The following PWP1 variants were observed in gnomAD, a reference collection of about 807,000 sequenced individuals.
The protein encoded by PWP1 is PWP1 homolog, endonuclein, also known as periodic tryptophan protein 1 homolog.
Under a neutral mutation model 69.9 loss-of-function variants are expected in PWP1, and 47 were observed. That is an observed-to-expected ratio of 0.67 (90% CI 0.53 to 0.86). The LOEUF (loss-of-function observed/expected upper bound fraction) is 0.86, where lower values mean the gene tolerates loss of function less well. Among genes scored for constraint, PWP1 ranks in the 40% least tolerant of loss-of-function variants. The pLI is 0.00. For missense variants in PWP1, 551 were observed against 608.8 expected, an observed-to-expected ratio of 0.91 and a Z score of 1.00; for synonymous variants, 222 against 208.2, an observed-to-expected ratio of 1.07 and a Z score of -0.57.
intron 14 of PWP1, among the ~76,000 whole-genome samples, chr12:107,710,940 G>A (rs970613935): frequency 1.3e-5 from 2 of 152,034 alleles, no homozygotes; most frequent in African/African-American, 2.4e-5. Context: ...CTCGGTTGGG[G>A]AGACCCTAAC....
rs1477433383 is a variant in PWP1, at chr12:107,697,548, T to C, written c.695T>C (p.Phe232Ser). 1 of 1,609,692 alleles carries C rather than the reference T, an allele frequency of 6.2e-7. No individual in the cohort carries two copies. Among genetic ancestry groups the C allele is most frequent in the African/African-American group, 1.3e-5 (1 of 74,678 alleles). The change falls in exon 7 of 15, where the codon TTC (phenylalanine) becomes TCC (serine). Residue 232 changes from phenylalanine to serine, a missense_variant. By Grantham distance (155) the Phe-to-Ser change is radical (BLOSUM62 -2). Transcript: ENST00000412830. ...ATAGTGGACTCTTTAGAGCCAGTCT[T>C]CACACTCGGAAGTAAACTTTCAAAA... is the stretch of plus-strand genomic sequence containing the variant. ...LDIVDSLEPVFTLGSKLSKKK... is the reference protein window; with the variant it reads ...LDIVDSLEPVSTLGSKLSKKK...
At chr12:107,695,027 G>T (rs1469489512) in intron 5 of PWP1, among the ~76,000 whole-genome samples, 1 of 151,840 alleles carries the variant, frequency 6.6e-6, no homozygotes, top group African/African-American at 2.4e-5. Context: ...AGGCCAAGGC[G>T]GGCGGATCAC....
At position 107,709,196 on chromosome 12, in the gene PWP1, T is replaced by C. The variant is rs148682004; in HGVS notation, c.1254T>C (p.Asp418=). Residue 418 remains aspartate, a synonymous_variant, in exon 13 of 15, where the codon GAT becomes GAC. Transcript: ENST00000412830. ...KYVKIWDILG[D]RPSLVHSRDM... ...TGAAGATCTGGGACATCTTAGGAGA[T>C]AGGCCAAGTCTAGTTCATTCTAGGG... 37 of 1,613,794 alleles carry C rather than the reference T, an allele frequency of 2.3e-5. No homozygotes were observed. Among genetic ancestry groups the C allele is most frequent in the Non-Finnish European group, 2.7e-5 (32 of 1,179,850 alleles).
At chr12:107,691,417 A>C (rs567266116) in intron 3 of PWP1, among the ~76,000 whole-genome samples, 1 of 152,256 alleles carries the variant, frequency 6.6e-6, no homozygotes, top group Non-Finnish European at 1.5e-5. Context: ...GTTTTTGAGC[A>C]TGGAACACAT....
chr12:107,710,525 T>G lies in PWP1; in HGVS notation c.1396+15T>G. ...AGTCTCTTCAGGTAAGGATTTTTAGTTCTCTGCACACCTCCCCCTGCCCCT... is the reference window on the plus strand; with the variant it reads ...AGTCTCTTCAGGTAAGGATTTTTAGGTCTCTGCACACCTCCCCCTGCCCCT... On this transcript the variant is annotated intron_variant, in intron 14 of 14. Transcript: ENST00000412830. The G allele has an allele frequency of 6.2e-7, 1 of 1,600,308 alleles. No homozygotes were observed. The highest frequency in any genetic ancestry group is 8.5e-7 in the Non-Finnish European group (1 of 1,173,042).
intron 8 of PWP1, among the ~76,000 whole-genome samples, chr12:107,701,203 T>C (rs12227529): frequency 0.3 from 45,403 of 151,878 alleles, 8,297 homozygotes; most frequent in Middle Eastern, 0.43. Flanking sequence ...CACTGCTCAC[T>C]GTAGTCTTGA....
At chr12:107,705,641 T>A (rs1294481716) in intron 11 of PWP1, among the ~76,000 whole-genome samples, 3 of 151,398 alleles carry the variant, frequency 2.0e-5, no homozygotes, top group Non-Finnish European at 4.4e-5. Flanking sequence ...GTCCTTGCGA[T>A]AGATAGTTTT....
chr12:107,699,040 C>T (rs1243433956), intron 7 of PWP1, among the ~76,000 whole-genome samples: 2 of 152,196 alleles, frequency 1.3e-5, no homozygotes, highest in Non-Finnish European at 2.9e-5. Context: ...GAGAGTGGAT[C>T]ATGAGGTCAG....
At chr12:107,703,844 G>T in intron 10 of PWP1, 98 bp downstream of exon 10, 1 of 1,118,496 alleles carries the variant, frequency 8.9e-7, no homozygotes, top group East Asian at 2.4e-5. Context: ...GTATCCTTGA[G>T]GCCACCTTTA....
chr12:107,695,885 A>G (rs1889573595), intron 5 of PWP1, among the ~76,000 whole-genome samples: 1 of 152,190 alleles, frequency 6.6e-6, no homozygotes, highest in Non-Finnish European at 1.5e-5. Flanking sequence ...GTTTTCTATG[A>G]ATGACCTAGA....
At chr12:107,701,294 C>T (rs1316432287) in intron 8 of PWP1, among the ~76,000 whole-genome samples, 1 of 151,968 alleles carries the variant, frequency 6.6e-6, no homozygotes, top group Non-Finnish European at 1.5e-5. Context: ...AGCCTGGCCT[C>T]CCTTTGCCTG....
At chr12:107,703,507 T>C (rs1294210233) in intron 9 of PWP1, among the ~76,000 whole-genome samples, 178 bp from the exon 10 acceptor site, 2 of 152,210 alleles carry the variant, frequency 1.3e-5, no homozygotes, top group African/African-American at 4.8e-5. Context: ...GTGCCAGCCT[T>C]TATGTGGGAG....
intron 8 of PWP1, among the ~76,000 whole-genome samples, chr12:107,702,365 C>T (rs921136681): frequency 6.6e-5 from 10 of 152,106 alleles, no homozygotes; most frequent in African/African-American, 2.4e-4. Context: ...TCTGCAACCT[C>T]CGCTTTTTGG....
intron 8 of PWP1, 80 bp from the exon 9 acceptor site, chr12:107,702,855 A>G (rs1889740199): frequency 2.4e-6 from 2 of 849,828 alleles, no homozygotes; most frequent in Non-Finnish European, 4.0e-6. Flanking sequence ...TTCTGATGCT[A>G]TTGTAAATGC....
At chr12:107,704,193 G>A (rs9634190) in intron 10 of PWP1, among the ~76,000 whole-genome samples, 44,500 of 152,136 alleles carry the variant, frequency 0.29, 8,215 homozygotes, top group Middle Eastern at 0.42. Context: ...TCCTCTTGAA[G>A]CATGATATGT....
In PWP1 at chr12:107,701,563, A is replaced by G. The variant is rs148992954; in HGVS notation, c.807-1372A>G. Reference sequence around the variant, plus strand: ...TATGTTTTCTTCTGAGTTTTATAGTATTAGCTCTTACATTGAAGTCTATGA... The same window carrying G: ...TATGTTTTCTTCTGAGTTTTATAGTGTTAGCTCTTACATTGAAGTCTATGA... On this transcript the variant is annotated intron_variant, in intron 8 of 14. Coordinates refer to ENST00000412830, the MANE Select transcript of PWP1 (RefSeq NM_007062.3). 6.5e-3 allele frequency among the ~76,000 whole-genome samples: 990 copies of G among 152,168 alleles called. 11 individuals carry two copies. Among genetic ancestry groups the G allele is most frequent in the African/African-American group, 0.022 (911 of 41,516 alleles).
Position 107,709,008 on chromosome 12 carries a change from A to G in PWP1, c.1160A>G (p.Glu387Gly). 6.2e-7 allele frequency: 1 copy of G among 1,613,864 alleles called. No individual in the cohort carries two copies. Among genetic ancestry groups the G allele is most frequent in the Non-Finnish European group, 8.5e-7 (1 of 1,179,846 alleles). ...TTTACACTTAATGCACACAATGATG[A>G]AATCTCTGGTGAGCAAGAGTAATGC... ...PIFTLNAHND[E>G]ISGLDLSSQI... Residue 387 changes from glutamate to glycine, a missense_variant, in exon 12 of 15, where the codon GAA becomes GGA. Coordinates refer to ENST00000412830, the MANE Select transcript of PWP1 (RefSeq NM_007062.3).
Position 107,707,336 on chromosome 12 carries a change from C to T in PWP1, c.1078-1590C>T, listed in dbSNP as rs1002428780. On this transcript the variant is annotated intron_variant, in intron 11 of 14. Coordinates refer to ENST00000412830, the MANE Select transcript of PWP1 (RefSeq NM_007062.3). ...TTTTCTAGATATACAATCATGTCAT[C>T]TGCAAACAGGGACAATTTGACTTCC... Among the ~76,000 whole-genome samples, 8 of 152,148 alleles carry T rather than the reference C, an allele frequency of 5.3e-5. 1 individual carries two copies. Among genetic ancestry groups the T allele is most frequent in the South Asian group, 2.1e-4 (1 of 4,820 alleles).
At chr12:107,688,974 T>C (rs1889429640) in intron 3 of PWP1, among the ~76,000 whole-genome samples, 172 bp downstream of exon 3, 1 of 152,154 alleles carries the variant, frequency 6.6e-6, no homozygotes, top group Non-Finnish European at 1.5e-5. Context: ...GAAGATAAAC[T>C]CTAACCCACT....
Sources: allele counts gnomAD v4.1 joint callset (sites outside exome capture counted in the v4.1 genomes callset), GRCh38; gene constraint gnomAD v4.1.1; transcripts MANE v1.5; gene names NCBI Gene and HGNC (gene_info 2026-07-23, HGNC 2026-07-21).